SNTG2: variants seen among roughly 807,000 people sequenced by gnomAD.
SNTG2 encodes syntrophin gamma 2, also known as gamma-2-syntrophin.
Under a neutral mutation model 70.9 loss-of-function variants are expected in SNTG2, and 74 were observed. The ratio of observed to expected loss-of-function variants is 1.04; its 90% CI spans 0.86 to 1.27. The LOEUF is 1.27. Among genes scored for constraint, SNTG2 ranks in the 50% most tolerant of loss-of-function variants. The pLI is 0.00. For missense variants in SNTG2, 717 were observed against 690.7 expected (o/e 1.04, Z -0.43); for synonymous variants, 278 against 273.8 (o/e 1.02, Z -0.15).
chr2:995,346 G>C (rs11682810), intron 1 of SNTG2, among the ~76,000 whole-genome samples: 69,946 of 151,758 alleles, frequency 0.46, 16,620 homozygotes, highest in Middle Eastern at 0.6. Flanking sequence ...TTTATTTACT[G>C]CATATGGGGT....
At chr2:959,290 T>G (rs143530041) in intron 1 of SNTG2, among the ~76,000 whole-genome samples, 3 of 152,208 alleles carry the variant, frequency 2.0e-5, no homozygotes, top group African/African-American at 7.2e-5. Flanking sequence ...TAAATATTCT[T>G]TTATGCAACT....
intron 1 of SNTG2, among the ~76,000 whole-genome samples, chr2:1,005,021 A>G (rs1029578606): frequency 3.3e-5 from 5 of 152,206 alleles, no homozygotes; most frequent in Non-Finnish European, 5.9e-5. Flanking sequence ...GAAATGAACT[A>G]TCAAGCCACA....
intron 8 of SNTG2, among the ~76,000 whole-genome samples, chr2:1,196,108 G>A (rs1363080412): frequency 6.6e-6 from 1 of 151,882 alleles, no homozygotes; most frequent in Non-Finnish European, 1.5e-5. Flanking sequence ...CTCCAAGTTA[G>A]GTCAGAATAC....
At chr2:1,192,731 A>G (rs1320047980) in intron 8 of SNTG2, among the ~76,000 whole-genome samples, 1 of 152,110 alleles carries the variant, frequency 6.6e-6, no homozygotes, top group Admixed American at 6.5e-5. Flanking sequence ...GACTCATCTG[A>G]TCACACCGTC....
At chr2:976,164 A>T (rs546757515) in intron 1 of SNTG2, among the ~76,000 whole-genome samples, 1 of 152,238 alleles carries the variant, frequency 6.6e-6, no homozygotes, top group East Asian at 1.9e-4. Context: ...TGGTGTGCTT[A>T]TCAACAGAAT....
intron 4 of SNTG2, among the ~76,000 whole-genome samples, chr2:1,110,160 G>A (rs1450321958): frequency 6.6e-6 from 1 of 152,174 alleles, no homozygotes; most frequent in Non-Finnish European, 1.5e-5. Context: ...GGTCTCTGTG[G>A]CACAGCGGCT....
chr2:1,024,945 G>C (rs1479184202), intron 1 of SNTG2, among the ~76,000 whole-genome samples: 9 of 152,104 alleles, frequency 5.9e-5, no homozygotes, highest in African/African-American at 1.9e-4. Flanking sequence ...TGAAATAAAT[G>C]GCAGGATATA....
chr2:1,324,729 T>C (rs547412263), intron 16 of SNTG2, among the ~76,000 whole-genome samples: 1 of 152,346 alleles, frequency 6.6e-6, no homozygotes, highest in Non-Finnish European at 1.5e-5. Context: ...AGTTTTAGTT[T>C]TATTATGTTA....
intron 1 of SNTG2, among the ~76,000 whole-genome samples, chr2:978,009 G>A (rs1016987621): frequency 6.6e-6 from 1 of 152,340 alleles, no homozygotes; most frequent in South Asian, 2.1e-4. Flanking sequence ...ATCAAAATCA[G>A]TACTTCTCTT....
chr2:1,169,829 A>G (rs986216944), intron 7 of SNTG2, among the ~76,000 whole-genome samples: 2 of 152,196 alleles, frequency 1.3e-5, no homozygotes, highest in Non-Finnish European at 2.9e-5. Flanking sequence ...GGTGCAGATC[A>G]CAGAGGCCAG....
intron 1 of SNTG2, among the ~76,000 whole-genome samples, chr2:967,639 A>G (rs1660611037): frequency 6.6e-6 from 1 of 152,120 alleles, no homozygotes; most frequent in Admixed American, 6.5e-5. Flanking sequence ...TTCTACATTC[A>G]CGTTGGATGT....
chr2:1,247,418 CCTT>C lies in SNTG2; in HGVS notation c.983_985del (p.Phe328del). 1 of 1,613,692 alleles carries C rather than the reference CCTT, an allele frequency of 6.2e-7. No homozygotes were observed. Among genetic ancestry groups the C allele is most frequent in the Non-Finnish European group, 8.5e-7 (1 of 1,179,646 alleles). ...AAGTTCCTAGCACTGAAGGGCCCGT[CCTT>C]CTACGTTTTCAGCACTCCTCCGGTA... On this transcript the variant is annotated inframe_deletion, in exon 12 of 17. Coordinates refer to ENST00000308624, the MANE Select transcript of SNTG2 (RefSeq NM_018968.4).
chr2:965,425 C>T, intron 1 of SNTG2, among the ~76,000 whole-genome samples: 1 of 151,386 alleles, frequency 6.6e-6, no homozygotes, highest in Non-Finnish European at 1.5e-5. Flanking sequence ...TCCTTGATCC[C>T]TTGGCCTCCT....
chr2:956,897 T>G (rs1217789656), intron 1 of SNTG2, among the ~76,000 whole-genome samples: 1 of 152,262 alleles, frequency 6.6e-6, no homozygotes, highest in Non-Finnish European at 1.5e-5. Context: ...TTTCATATTT[T>G]TAGAATAGCT....
At chr2:1,166,963 C>T (rs180810972) in intron 7 of SNTG2, among the ~76,000 whole-genome samples, 3 of 152,298 alleles carry the variant, frequency 2.0e-5, no homozygotes, top group East Asian at 1.9e-4. Flanking sequence ...CCTTCTGGCT[C>T]TCCATCCATC....
intron 4 of SNTG2, among the ~76,000 whole-genome samples, chr2:1,121,837 T>C (rs572087661): frequency 1.6e-4 from 24 of 152,124 alleles, no homozygotes; most frequent in Non-Finnish European, 3.2e-4. Context: ...GGGATTATAA[T>C]TGAAGATGAG....
At chr2:1,328,458 C>T (rs1417018677) in intron 16 of SNTG2, among the ~76,000 whole-genome samples, 1 of 152,172 alleles carries the variant, frequency 6.6e-6, no homozygotes, top group Non-Finnish European at 1.5e-5. Context: ...AAGAGTTCCT[C>T]TCCAAAAAAG....
chr2:1,121,930 C>T (rs993219238), intron 4 of SNTG2, among the ~76,000 whole-genome samples: 2 of 152,080 alleles, frequency 1.3e-5, no homozygotes, highest in African/African-American at 2.4e-5. Context: ...GAAGGCATTA[C>T]CATGGACACC....
intron 6 of SNTG2, among the ~76,000 whole-genome samples, chr2:1,159,145 TGG>T (rs67031103): frequency 1.1e-4 from 16 of 148,542 alleles, no homozygotes; most frequent in Non-Finnish European, 1.3e-4. Flanking sequence ...TGTGCATATG[TGG>T]GGGGGGTGTG....
Sources: gnomAD v4.1 joint callset for allele counts (sites outside exome capture counted in the v4.1 genomes callset) on GRCh38, gnomAD v4.1.1 for gene constraint, MANE v1.5 for transcripts, NCBI Gene and HGNC (gene_info 2026-07-23, HGNC 2026-07-21) for gene names.